Variants in RABGEF1 observed in about 807,000 individuals in gnomAD.
RABGEF1 encodes the protein rab5 GDP/GTP exchange factor.
RABGEF1 carries 26 observed loss-of-function variants against 57.3 expected under a neutral mutation model. The ratio of observed to expected loss-of-function variants is 0.45; its 90% CI spans 0.33 to 0.63. RABGEF1 has a LOEUF of 0.63. Ranked by LOEUF, RABGEF1 falls within the 20% of genes least tolerant of loss-of-function variation. The pLI, the probability that RABGEF1 is intolerant of heterozygous loss-of-function variation, is 0.02. For synonymous variants in RABGEF1, 185 were observed against 210.7 expected (o/e 0.88, Z 1.06); for missense variants, 464 against 607.6 (o/e 0.76, Z 2.48).
intron 1 of RABGEF1, among the ~76,000 whole-genome samples, chr7:66,697,957 G>A (rs1428111565): frequency 6.6e-6 from 1 of 151,986 alleles, no homozygotes; most frequent in Non-Finnish European, 1.5e-5. Context: ...TGGGAAGCCC[G>A]GCCCTCTCCA....
At chr7:66,708,567 G>A (rs1794404138) in intron 1 of RABGEF1, among the ~76,000 whole-genome samples, 1 of 152,122 alleles carries the variant, frequency 6.6e-6, no homozygotes, top group Non-Finnish European at 1.5e-5. Context: ...AGGATTACAG[G>A]CGTGAGCCAC....
chr7:66,743,460 G>A (rs1288340074), intron 1 of RABGEF1, among the ~76,000 whole-genome samples: 7 of 151,886 alleles, frequency 4.6e-5, no homozygotes, highest in African/African-American at 1.7e-4. Flanking sequence ...AAGTAACTGG[G>A]ACCACAGGCC....
intron 3 of RABGEF1, among the ~76,000 whole-genome samples, chr7:66,783,081 C>T (rs1810346925): frequency 6.6e-6 from 1 of 152,198 alleles, no homozygotes; most frequent in Non-Finnish European, 1.5e-5. Context: ...TTTCCCTTGT[C>T]TCTTCATTGT....
At chr7:66,691,805 A>G (rs1182048148) in intron 1 of RABGEF1, among the ~76,000 whole-genome samples, 10 of 152,070 alleles carry the variant, frequency 6.6e-5, no homozygotes, top group Non-Finnish European at 1.2e-4. Context: ...TGTAATCCCA[A>G]CACTTTGGGA....
At chr7:66,761,648 T>G (rs1804386217) in intron 1 of RABGEF1, among the ~76,000 whole-genome samples, 1 of 152,162 alleles carries the variant, frequency 6.6e-6, no homozygotes, top group African/African-American at 2.4e-5. Context: ...CTGGACCCTC[T>G]CTGGGGAGGG....
At chr7:66,724,233 T>G (rs1398640609) in intron 2 of RABGEF1, among the ~76,000 whole-genome samples, 2 of 152,204 alleles carry the variant, frequency 1.3e-5, no homozygotes, top group Non-Finnish European at 2.9e-5. Flanking sequence ...ATTCTTATCT[T>G]TGTTCCTTCT....
intron 1 of RABGEF1, among the ~76,000 whole-genome samples, chr7:66,762,208 A>G (rs1271225412): frequency 2.0e-5 from 3 of 152,224 alleles, no homozygotes; most frequent in Non-Finnish European, 4.4e-5. Context: ...GAGAAGGAAA[A>G]TAAGGTCTCT....
At chr7:66,806,805 G>A (rs893833285) in intron 8 of RABGEF1, among the ~76,000 whole-genome samples, 1 of 151,792 alleles carries the variant, frequency 6.6e-6, no homozygotes. Flanking sequence ...CACCATGCCC[G>A]GCTAATGTTT....
chr7:66,661,638 C>T, the RABGEF1 span, among the ~76,000 whole-genome samples: 1 of 152,126 alleles, frequency 6.6e-6, no homozygotes, highest in Non-Finnish European at 1.5e-5. Context: ...AAAATCCTTT[C>T]AACAAAGAAA....
chr7:66,686,280 C>CAA (rs1435924070), intron 1 of RABGEF1, among the ~76,000 whole-genome samples: 21 of 94,216 alleles, frequency 2.2e-4, no homozygotes, highest in Non-Finnish European at 4.2e-4. Flanking sequence ...GACTCTGTCT[C>CAA]AAAAAAAAAA....
At chr7:66,765,025 T>C (rs1805350092) in intron 1 of RABGEF1, among the ~76,000 whole-genome samples, 1 of 152,026 alleles carries the variant, frequency 6.6e-6, no homozygotes, top group African/African-American at 2.4e-5. Flanking sequence ...TTTTAATGAT[T>C]AGTCAACTTA....
At chr7:66,740,580 C>T (rs1436542856), upstream of RABGEF1, 2 of 152,634 alleles carry the variant, frequency 1.3e-5, no homozygotes, top group Non-Finnish European at 2.9e-5. Context: ...CCACTCCGCT[C>T]GACCCTTTGG....
rs189657960 is a variant in RABGEF1 at position 66,724,610 on chromosome 7, G to A, written c.-815+12386G>A. Reference sequence around the variant, plus strand: ...CGTGACCTTGTGATCCACCCACCTCGGCCTCCCAAAGTGCTGGGATTATAG... The same window carrying A: ...CGTGACCTTGTGATCCACCCACCTCAGCCTCCCAAAGTGCTGGGATTATAG... On this transcript the variant is annotated intron_variant and NMD_transcript_variant, in intron 2 of 9. Transcript: ENST00000607882. 2.9e-3 allele frequency among the ~76,000 whole-genome samples: 444 copies of A among 152,140 alleles called. 4 individuals carry two copies. The highest frequency in any genetic ancestry group is 1.0e-2 in the African/African-American group (415 of 41,518).
chr7:66,797,228 C>T, intron 5 of RABGEF1, 146 bp from the exon 6 acceptor site: 1 of 745,202 alleles, frequency 1.3e-6, no homozygotes, highest in Non-Finnish European at 2.0e-6. Context: ...GGCTCGAGCC[C>T]AGGAGGTGGA....
intron 8 of RABGEF1, chr7:66,808,102 C>T (rs1165227035): frequency 6.6e-6 from 1 of 152,192 alleles, no homozygotes; most frequent in Non-Finnish European, 1.5e-5. Context: ...TATTTCCCCC[C>T]ATTTACAGGT....
intron 1 of RABGEF1, among the ~76,000 whole-genome samples, chr7:66,683,099 T>C (rs1195988011): frequency 6.6e-6 from 1 of 152,180 alleles, no homozygotes; most frequent in Non-Finnish European, 1.5e-5. Context: ...GGTTTTTGGC[T>C]TGGAGAGCTA....
intron 7 of RABGEF1, among the ~76,000 whole-genome samples, chr7:66,800,636 A>G (rs1392624781): frequency 1.3e-5 from 2 of 152,202 alleles, no homozygotes; most frequent in East Asian, 3.8e-4. Context: ...AGGCCTTCTA[A>G]AAGCCTGAAT....
chr7:66,678,579 A>AG (rs904117056), upstream of RABGEF1, among the ~76,000 whole-genome samples: 13 of 151,662 alleles, frequency 8.6e-5, no homozygotes, highest in Admixed American at 3.3e-4. Context: ...AAAAAAAAAA[A>AG]AAAAAGAAAA....
At chr7:66,687,370 T>A (rs566883181) in intron 1 of RABGEF1, among the ~76,000 whole-genome samples, 1 of 149,858 alleles carries the variant, frequency 6.7e-6, no homozygotes, top group South Asian at 2.1e-4. Context: ...AGGTGATCCA[T>A]CCTCCTCGGC....
Sources: gnomAD v4.1 joint callset for allele counts (sites outside exome capture counted in the v4.1 genomes callset) on GRCh38, gnomAD v4.1.1 for gene constraint, MANE v1.5 for transcripts, NCBI Gene and HGNC (gene_info 2026-07-23, HGNC 2026-07-21) for gene names.